Variants in PECR observed in about 807,000 individuals in gnomAD.
PECR encodes the protein 2,4-dienoyl-CoA reductase-related protein.
In PECR, 30 loss-of-function variants were observed where a neutral mutation model predicts 35.3. The observed-to-expected ratio is 0.85, with a 90% CI of 0.64 to 1.15. PECR has a LOEUF of 1.15. Ranked by LOEUF, PECR falls within the 50% of genes most tolerant of loss-of-function variation. The probability of loss-of-function intolerance (pLI) is 0.00; values close to 1 mark genes in which losing one functional copy is unlikely to be tolerated. For synonymous variants in PECR, 148 were observed against 138.9 expected (o/e 1.07, Z -0.46); for missense variants, 392 against 370.8 (o/e 1.06, Z -0.47).
intron 7 of PECR, among the ~76,000 whole-genome samples, chr2:216,032,052 T>C (rs571441627): frequency 5.3e-5 from 8 of 152,368 alleles, no homozygotes; most frequent in South Asian, 4.1e-4. Flanking sequence ...TAGCCTTTGA[T>C]AGACAGCTTT....
At chr2:216,037,385 C>T (rs1694811244), downstream of PECR, among the ~76,000 whole-genome samples, 1 of 152,180 alleles carries the variant, frequency 6.6e-6, no homozygotes, top group Admixed American at 6.5e-5. Context: ...TTTAAGGAGT[C>T]GATGGCAGTC....
intron 5 of PECR, among the ~76,000 whole-genome samples, chr2:216,051,154 C>T (rs1695106456): frequency 1.3e-5 from 2 of 151,428 alleles, no homozygotes; most frequent in South Asian, 4.2e-4. Context: ...GGCATGGTGG[C>T]TTGTGCCTGT....
chr2:216,046,694 T>C (rs1559209393), intron 6 of PECR, among the ~76,000 whole-genome samples: 2 of 152,162 alleles, frequency 1.3e-5, no homozygotes, highest in Admixed American at 1.3e-4. Flanking sequence ...GTTTTCAGAA[T>C]ACAAATCCAA....
Position 216,047,261 on chromosome 2 carries a change from G to GAA in PECR, c.714+2000_714+2001dup, listed in dbSNP as rs11396724. ...CAAGAAGAGTGTAACTTCGTCTCAG[G>GAA]AAAAAAAAAAAAAAAGTCAACAAAT... On this transcript the variant is annotated intron_variant, in intron 6 of 7. Transcript: ENST00000265322. Among the ~76,000 whole-genome samples the GAA allele has an allele frequency of 5.0e-3, 709 of 142,248 alleles. 3 individuals are homozygous for GAA. The highest frequency in any genetic ancestry group is 0.013 in the East Asian group (64 of 4,898). The allele number at this position is 142,248 out of a possible 152,430, so 93.3% of individuals were successfully genotyped here.
At chr2:216,052,305 T>C (rs867761058) in intron 4 of PECR, among the ~76,000 whole-genome samples, 6 of 152,192 alleles carry the variant, frequency 3.9e-5, no homozygotes, top group Admixed American at 6.5e-5. Flanking sequence ...CTTATACAAC[T>C]AATTAGGAAA....
rs146342269 is a variant in PECR at position 216,029,262 on chromosome 2, G to A, written c.*440+9929C>T. On this transcript the variant is annotated intron_variant and NMD_transcript_variant, in intron 7 of 7. Coordinates refer to the PECR transcript ENST00000442122. ...TGGGAGGCTGAGGCAGGCAGATCACGAGGTCAAGAGATTGAGACCATCGTC... is the reference window on the plus strand; with the variant it reads ...TGGGAGGCTGAGGCAGGCAGATCACAAGGTCAAGAGATTGAGACCATCGTC... Among the ~76,000 whole-genome samples, 750 of 152,120 alleles carry A rather than the reference G, an allele frequency of 4.9e-3. 13 individuals are homozygous for A. The highest frequency in any genetic ancestry group is 0.017 in the African/African-American group (712 of 41,494).
intron 1 of PECR, among the ~76,000 whole-genome samples, chr2:216,077,187 C>T (rs554630727): frequency 3.9e-5 from 6 of 152,122 alleles, no homozygotes; most frequent in African/African-American, 9.6e-5. Context: ...CATGAGCCAC[C>T]GCGCCTGGCC....
At chr2:216,032,823 T>G (rs2105936793) in intron 7 of PECR, 1 of 152,316 alleles carries the variant, frequency 6.6e-6, no homozygotes, top group East Asian at 1.9e-4. Context: ...TTCCTGCTGG[T>G]TGGTCTTATT....
intron 1 of PECR, among the ~76,000 whole-genome samples, chr2:216,081,073 G>A (rs1208331187): frequency 6.6e-6 from 1 of 151,948 alleles, no homozygotes; most frequent in Admixed American, 6.6e-5. Context: ...AATTCAATGA[G>A]GATTTACACT....
intron 4 of PECR, among the ~76,000 whole-genome samples, chr2:216,056,599 C>T (rs1966584): frequency 0.76 from 114,284 of 151,360 alleles, 43,374 homozygotes; most frequent in African/African-American, 0.81. Flanking sequence ...TGGGTGCCTA[C>T]AACCCCAGCT....
rs530179970 is a variant in PECR at position 216,059,557 on chromosome 2, T to C, written c.425-581A>G. 5.3e-5 allele frequency among the ~76,000 whole-genome samples: 8 copies of C among 152,360 alleles called. No individual in the cohort carries two copies. The East Asian group carries it at 1.5e-3, about 29-fold the overall frequency. On this transcript the variant is annotated intron_variant, in intron 3 of 7. Transcript: ENST00000265322. ...ATGAATACAAATCTTTGTGTGGTCA[T>C]ATGTTAACTCTGTTTAGCTTTTAAA...
chr2:216,070,711 G>A (rs542980107), intron 1 of PECR, among the ~76,000 whole-genome samples: 20 of 152,258 alleles, frequency 1.3e-4, no homozygotes, highest in African/African-American at 3.9e-4. Flanking sequence ...GAGCTCCTAC[G>A]GCCTTTTGTA....
intron 2 of PECR, 151 bp downstream of exon 2, chr2:216,066,234 C>G: frequency 1.3e-6 from 1 of 765,470 alleles, no homozygotes. Flanking sequence ...CTCAGTAAAT[C>G]ATTAACATGA....
At chr2:216,035,938 C>T (rs1694786882), downstream of PECR, among the ~76,000 whole-genome samples, 1 of 152,230 alleles carries the variant, frequency 6.6e-6, no homozygotes, top group Admixed American at 6.5e-5. Flanking sequence ...TTTTAACTTG[C>T]CCTGTTCAAA....
intron 6 of PECR, among the ~76,000 whole-genome samples, chr2:216,045,248 T>A (rs946397199): frequency 1.3e-5 from 2 of 152,204 alleles, no homozygotes; most frequent in African/African-American, 4.8e-5. Flanking sequence ...TCTCCATCCT[T>A]GTATTCCCAG....
intron 1 of PECR, among the ~76,000 whole-genome samples, chr2:216,080,536 A>G (rs939650562): frequency 6.6e-6 from 1 of 152,188 alleles, no homozygotes; most frequent in Non-Finnish European, 1.5e-5. Context: ...ATTCCTGAAA[A>G]AGGAATTACT....
At chr2:216,067,483 T>A (rs1407929072) in intron 1 of PECR, among the ~76,000 whole-genome samples, 2 of 152,164 alleles carry the variant, frequency 1.3e-5, no homozygotes, top group Non-Finnish European at 2.9e-5. Flanking sequence ...CAAGCCTCTT[T>A]TAGAGTATCA....
rs777807553 is a variant in PECR at position 216,046,547 on chromosome 2, G to C, written c.715-2532C>G. 2.2e-4 allele frequency among the ~76,000 whole-genome samples: 34 copies of C among 152,042 alleles called. No homozygotes were observed. The South Asian group carries it at 3.1e-3, about 14-fold the overall frequency. Reference sequence around the variant, plus strand: ...GGCTGATCTTGAACTCCTACCTCAAGTGATCCACCTGCCTTAGGCTTCCAA... The same window carrying C: ...GGCTGATCTTGAACTCCTACCTCAACTGATCCACCTGCCTTAGGCTTCCAA... On this transcript the variant is annotated intron_variant, in intron 6 of 7. Coordinates refer to ENST00000265322, the MANE Select transcript of PECR (RefSeq NM_018441.6).
intron 1 of PECR, among the ~76,000 whole-genome samples, chr2:216,078,867 A>C (rs1242868334): frequency 6.6e-6 from 1 of 150,972 alleles, no homozygotes; most frequent in African/African-American, 2.5e-5. Context: ...CAACAGGATG[A>C]AAGTTCAAAT....
Sources: gnomAD v4.1 joint callset for allele counts (sites outside exome capture counted in the v4.1 genomes callset) on GRCh38, gnomAD v4.1.1 for gene constraint, MANE v1.5 for transcripts, NCBI Gene and HGNC (gene_info 2026-07-23, HGNC 2026-07-21) for gene names.